Variants in LEPR observed in about 807,000 individuals in gnomAD.
LEPR encodes leptin receptor.
In LEPR, 56 loss-of-function variants were observed where a neutral mutation model predicts 114.7. That is an observed-to-expected ratio of 0.49 (90% confidence interval 0.39 to 0.61). The LOEUF (loss-of-function observed/expected upper bound fraction) is 0.61. Among genes scored for constraint, LEPR ranks in the 20% least tolerant of loss-of-function variants. The pLI is 0.00. For synonymous variants in LEPR, 443 were observed against 461.4 expected, an observed-to-expected ratio of 0.96 and a Z score of 0.51; for missense variants, 1,202 against 1,352.9, an observed-to-expected ratio of 0.89 and a Z score of 1.75.
At chr1:65,535,149 A>ATG (rs1006341138) in intron 2 of LEPR, among the ~76,000 whole-genome samples, 23 of 151,988 alleles carry the variant, frequency 1.5e-4, no homozygotes, top group Admixed American at 5.2e-4. Flanking sequence ...ATGTGTGTGC[A>ATG]TGTGTGTGTG....
intron 14 of LEPR, among the ~76,000 whole-genome samples, chr1:65,614,204 C>T (rs1282770582): frequency 6.6e-6 from 1 of 152,178 alleles, no homozygotes; most frequent in East Asian, 1.9e-4. Flanking sequence ...ACTAAGATAT[C>T]CTTCAAAAAT....
At chr1:65,527,831 C>T (rs1484638665) in intron 2 of LEPR, among the ~76,000 whole-genome samples, 2 of 152,176 alleles carry the variant, frequency 1.3e-5, no homozygotes, top group East Asian at 1.9e-4. Flanking sequence ...GAAACAGATG[C>T]TCAGAGATGT....
At chr1:65,545,454 C>A (rs1336447768) in intron 2 of LEPR, among the ~76,000 whole-genome samples, 1 of 151,120 alleles carries the variant, frequency 6.6e-6, no homozygotes, top group Non-Finnish European at 1.5e-5. Flanking sequence ...TTCTCCACAT[C>A]CTCTCCAGCA....
At chr1:65,550,632 A>T (rs1319993788) in intron 2 of LEPR, among the ~76,000 whole-genome samples, 1 of 152,158 alleles carries the variant, frequency 6.6e-6, no homozygotes, top group Non-Finnish European at 1.5e-5. Context: ...AGTGCGGGCT[A>T]TAATTCTCCT....
chr1:65,515,222 G>A (rs1649227832), intron 2 of LEPR, among the ~76,000 whole-genome samples: 1 of 152,208 alleles, frequency 6.6e-6, no homozygotes, highest in Non-Finnish European at 1.5e-5. Flanking sequence ...AAGTCACTGT[G>A]AGTTCTCTGC....
intron 2 of LEPR, among the ~76,000 whole-genome samples, chr1:65,489,052 G>T (rs560316432): frequency 6.6e-6 from 1 of 152,170 alleles, no homozygotes; most frequent in Non-Finnish European, 1.5e-5. Context: ...CCAAATCTTG[G>T]CTACTATGAA....
intron 5 of LEPR, among the ~76,000 whole-genome samples, chr1:65,573,264 C>T (rs530443404): frequency 1.4e-4 from 21 of 152,298 alleles, no homozygotes; most frequent in African/African-American, 4.8e-4. Context: ...CTGCCTTGGC[C>T]TGATTCTTGA....
intron 14 of LEPR, among the ~76,000 whole-genome samples, chr1:65,613,415 C>G (rs1220702504): frequency 6.6e-6 from 1 of 152,038 alleles, no homozygotes; most frequent in Non-Finnish European, 1.5e-5. Context: ...CAAAAACACA[C>G]ATCTGATAAA....
chr1:65,489,748 T>C (rs1358274097), intron 2 of LEPR, among the ~76,000 whole-genome samples: 1 of 152,142 alleles, frequency 6.6e-6, no homozygotes, highest in East Asian at 1.9e-4. Flanking sequence ...ATCTCCTCCA[T>C]CCCACTCTTT....
chr1:65,455,071 G>T lies in LEPR; in HGVS notation c.-21+29693G>T, dbSNP rs562729493. On this transcript the variant is annotated intron_variant, in intron 2 of 19. Coordinates refer to ENST00000349533, the MANE Select transcript of LEPR (RefSeq NM_002303.6). ...CTGATACCCTTTCTTCCAGTTGATC[G>T]CATCGGCTCCTGAGGCTTCTGCCTT... Among the ~76,000 whole-genome samples, 194 of 152,126 alleles carry T rather than the reference G, an allele frequency of 1.3e-3. 1 individual carries two copies. The highest frequency in any genetic ancestry group is 7.8e-3 in the Admixed American group (119 of 15,292).
rs1557669234 is a variant in LEPR at position 65,570,558 on chromosome 1, A to G, written c.126A>G (p.Ser42=). 1 of 1,614,042 alleles carries G rather than the reference A, an allele frequency of 6.2e-7. No homozygotes were observed. The highest frequency in any genetic ancestry group is 8.5e-7 in the Non-Finnish European group (1 of 1,179,958). The change falls in exon 4 of 20, where the codon TCA becomes TCG. Residue 42 remains serine (S), a synonymous_variant. Transcript: ENST00000349533. ...RFKLSCMPPN[S]TYDYFLLPAG... is the part of the protein sequence containing the mutation. Reference sequence around the variant, plus strand: ...AGTTGTCTTGCATGCCACCAAATTCAACCTATGACTACTTCCTTTTGCCTG... The same window carrying G: ...AGTTGTCTTGCATGCCACCAAATTCGACCTATGACTACTTCCTTTTGCCTG...
chr1:65,511,970 G>C (rs1234106816), intron 2 of LEPR, among the ~76,000 whole-genome samples: 1 of 152,202 alleles, frequency 6.6e-6, no homozygotes, highest in Non-Finnish European at 1.5e-5. Flanking sequence ...TCTGCAGACT[G>C]TACAGGAAGC....
rs553507604 is a variant in LEPR, at chr1:65,498,649, T to C, written c.-20-66897T>C. 1.7e-3 allele frequency among the ~76,000 whole-genome samples: 264 copies of C among 152,258 alleles called. 2 individuals carry two copies. Among genetic ancestry groups the C allele is most frequent in the Middle Eastern group, 3.4e-3 (1 of 294 alleles). ...AAACAGAAGAAGGAAAGGCATTTAT[T>C]TGGTCCTTGTTCCTTTTCCCTCCTA... On this transcript the variant is annotated intron_variant, in intron 2 of 19. Coordinates refer to ENST00000349533, the MANE Select transcript of LEPR (RefSeq NM_002303.6).
chr1:65,624,157 T>A (rs1658054352), intron 19 of LEPR, among the ~76,000 whole-genome samples: 1 of 152,184 alleles, frequency 6.6e-6, no homozygotes, highest in Non-Finnish European at 1.5e-5. Context: ...TTTACTTACA[T>A]TCTCAATGTT....
intron 2 of LEPR, among the ~76,000 whole-genome samples, chr1:65,456,586 A>G (rs537729702): frequency 1.3e-5 from 2 of 152,128 alleles, no homozygotes; most frequent in African/African-American, 2.4e-5. Flanking sequence ...CCTGATAACT[A>G]TTTTTGCTTT....
At chr1:65,608,198 T>A (rs1246636287) in intron 11 of LEPR, among the ~76,000 whole-genome samples, 2 of 151,830 alleles carry the variant, frequency 1.3e-5, no homozygotes, top group Non-Finnish European at 2.9e-5. Flanking sequence ...GAGAACAGTT[T>A]GTTATTGATA....
chr1:65,434,654 ACCCCTTTTCCT>A, intron 2 of LEPR: 5 of 985,316 alleles, frequency 5.1e-6, no homozygotes, highest in Non-Finnish European at 4.8e-6. Flanking sequence ...GCAACTTTCC[ACCCCTTTTCCT>A]AAGAACAAGG....
chr1:65,429,101 T>G (rs146303495), intron 2 of LEPR, among the ~76,000 whole-genome samples: 1,865 of 152,298 alleles, frequency 0.012, 27 homozygotes, highest in South Asian at 0.069. Context: ...GGAATAAGTG[T>G]TGTGCAGAAA....
rs2101044979 is a variant in LEPR at position 65,635,100 on chromosome 1, G to A, written c.2674-1091G>A. On this transcript the variant is annotated intron_variant, in intron 19 of 19. Coordinates refer to ENST00000349533, the MANE Select transcript of LEPR (RefSeq NM_002303.6). ...AAAACTATGCTAAATAAATTGTATT[G>A]TATATGGAATATGCTTGCCATTATG... 6.6e-6 allele frequency: 6 copies of A among 906,564 alleles called. No individual in the cohort carries two copies. The South Asian group carries it at 2.6e-4, about 39-fold the overall frequency. 56.2% of individuals were successfully genotyped at this position (906,564 alleles called of 1,614,324 possible).
Sources: gnomAD v4.1 joint callset for allele counts (sites outside exome capture counted in the v4.1 genomes callset) on GRCh38, gnomAD v4.1.1 for gene constraint, MANE v1.5 for transcripts, NCBI Gene and HGNC (gene_info 2026-07-23, HGNC 2026-07-21) for gene names.